The following CDC14A variants were observed in gnomAD, a reference collection of about 807,000 sequenced individuals.
CDC14A encodes cell division cycle 14A, also known as dual specificity protein phosphatase CDC14A.
In CDC14A, 53 loss-of-function variants were observed where a neutral mutation model predicts 74.4. That is an observed-to-expected ratio of 0.71 (90% CI 0.57 to 0.89). The LOEUF (loss-of-function observed/expected upper bound fraction) is 0.89. CDC14A is among the 40% of genes least tolerant of loss of function. CDC14A has a pLI of 0.00. For missense variants in CDC14A, 646 were observed against 713.7 expected, an observed-to-expected ratio of 0.91 and a Z score of 1.08; for synonymous variants, 247 against 258.4, an observed-to-expected ratio of 0.96 and a Z score of 0.43.
intron 8 of CDC14A, 185 bp from the exon 9 acceptor site, chr1:100,462,466 C>A (rs911184237): frequency 1.7e-6 from 1 of 588,848 alleles, no homozygotes; most frequent in African/African-American, 1.9e-5. Flanking sequence ...TTTTAACCTC[C>A]TGTGGTGCTT....
At chr1:100,390,926 TGGAGATTA>T (rs1295214877) in intron 4 of CDC14A, 102 bp downstream of exon 4, 2 of 785,786 alleles carry the variant, frequency 2.5e-6, no homozygotes, top group African/African-American at 3.4e-5. Context: ...TGAGAGACGG[TGGAGATTA>T]TTAGCAGTTT....
upstream of CDC14A, chr1:100,352,425 G>A (rs574321340): frequency 1.0e-5 from 10 of 977,308 alleles, no homozygotes; most frequent in African/African-American, 1.2e-4. Flanking sequence ...GGAGGGCGGG[G>A]AGGAAGGTCT....
At chr1:100,496,128 C>T (rs1175195935) in intron 13 of CDC14A, 79 bp downstream of exon 13, 24 of 1,159,220 alleles carry the variant, frequency 2.1e-5, no homozygotes, top group East Asian at 9.4e-5. Flanking sequence ...GCCTCAAACA[C>T]GAAAATCAAC....
chr1:100,455,922 G>A (rs1666636274), intron 8 of CDC14A, among the ~76,000 whole-genome samples: 1 of 152,184 alleles, frequency 6.6e-6, no homozygotes, highest in African/African-American at 2.4e-5. Context: ...ATACTTAGGT[G>A]CTAGTTACAC....
chr1:100,412,770 A>ATATATATATATTTTATATATATATATTT (rs1557732829), intron 4 of CDC14A, among the ~76,000 whole-genome samples: 14 of 95,660 alleles, frequency 1.5e-4, no homozygotes, highest in African/African-American at 3.0e-4. Flanking sequence ...TATATATATT[A>ATATATATATATTTTATATATATATATTT]TATATATATA....
At chr1:100,505,181 G>A (rs1471941757) in intron 15 of CDC14A, among the ~76,000 whole-genome samples, 1 of 152,206 alleles carries the variant, frequency 6.6e-6, no homozygotes, top group African/African-American at 2.4e-5. Flanking sequence ...AAATGGAAAT[G>A]AAATATTGTG....
At chr1:100,405,369 T>C (rs1659807281) in intron 4 of CDC14A, among the ~76,000 whole-genome samples, 1 of 152,242 alleles carries the variant, frequency 6.6e-6, no homozygotes. Context: ...AAGGGATAAC[T>C]CTTACATATT....
chr1:100,352,380 A>C, upstream of CDC14A: 13 of 775,574 alleles, frequency 1.7e-5, no homozygotes, highest in Non-Finnish European at 1.9e-5. Context: ...CCTTTAAGGG[A>C]TGGCCGCGGA....
At chr1:100,392,934 A>G (rs537776166) in intron 4 of CDC14A, 60 of 765,682 alleles carry the variant, frequency 7.8e-5, no homozygotes, top group Non-Finnish European at 1.2e-4. Context: ...ACATTTAAAC[A>G]TCAATGGTTT....
At chr1:100,501,409 AT>A (rs1648712549) in intron 15 of CDC14A, among the ~76,000 whole-genome samples, 2 of 152,328 alleles carry the variant, frequency 1.3e-5, no homozygotes, top group East Asian at 3.9e-4. Context: ...TGGTGGTCCC[AT>A]AAGACTATAA....
intron 13 of CDC14A, among the ~76,000 whole-genome samples, chr1:100,497,417 T>C (rs1648011713): frequency 6.6e-6 from 1 of 152,212 alleles, no homozygotes; most frequent in Non-Finnish European, 1.5e-5. Context: ...GTCCAGATTT[T>C]GGAGGGGCTG....
intron 5 of CDC14A, among the ~76,000 whole-genome samples, chr1:100,430,153 C>A (rs184146682): frequency 1.5e-4 from 23 of 152,298 alleles, no homozygotes; most frequent in Non-Finnish European, 2.9e-4. Context: ...CAAAAAACAT[C>A]TCTTGGGATT....
At position 100,479,557 on chromosome 1, in the gene CDC14A, TTTAA is replaced by T. The variant is rs1204218056; in HGVS notation, c.978-4731_978-4728del. Among the ~76,000 whole-genome samples, 5 of 152,330 alleles carry T rather than the reference TTTAA, an allele frequency of 3.3e-5. No homozygotes were observed. In the East Asian group the frequency reaches 9.6e-4, roughly 29 times the overall value. On this transcript the variant is annotated intron_variant, in intron 10 of 15. Coordinates refer to ENST00000336454, the MANE Select transcript of CDC14A (RefSeq NM_003672.4). Reference sequence around the variant, plus strand: ...GGTCAAGGAATATAGGCTAAAAAATTTTAATTATTTATTTTAAGGGTTTAAAATT... The same window carrying T: ...GGTCAAGGAATATAGGCTAAAAAATTTTATTTATTTTAAGGGTTTAAAATT...
chr1:100,395,886 A>G (rs557635489), intron 4 of CDC14A, among the ~76,000 whole-genome samples: 69 of 152,290 alleles, frequency 4.5e-4, no homozygotes, highest in African/African-American at 1.5e-3. Context: ...TCTATCTGGA[A>G]TGTTCTTACT....
At chr1:100,424,136 G>A in intron 4 of CDC14A, 86 bp from the exon 5 acceptor site, 1 of 922,948 alleles carries the variant, frequency 1.1e-6, no homozygotes, top group Non-Finnish European at 1.8e-6. Flanking sequence ...GTCACTCAAA[G>A]TGGAGGAAGT....
intron 10 of CDC14A, among the ~76,000 whole-genome samples, chr1:100,471,114 A>G (rs1668352065): frequency 1.3e-5 from 2 of 152,144 alleles, no homozygotes; most frequent in Non-Finnish European, 2.9e-5. Context: ...TGAATTACTG[A>G]TATACTCAAC....
intron 5 of CDC14A, among the ~76,000 whole-genome samples, chr1:100,437,236 A>G (rs771016185): frequency 6.6e-6 from 1 of 152,166 alleles, no homozygotes; most frequent in Admixed American, 6.5e-5. Flanking sequence ...CATGGGTTCA[A>G]TCTTCCATCT....
chr1:100,499,959 A>G (rs1435427729), intron 15 of CDC14A, among the ~76,000 whole-genome samples: 1 of 152,172 alleles, frequency 6.6e-6, no homozygotes, highest in Admixed American at 6.5e-5. Context: ...GAAGACCTCC[A>G]AACACATCTT....
At chr1:100,442,523 A>G (rs1011754158) in intron 6 of CDC14A, among the ~76,000 whole-genome samples, 2 of 151,306 alleles carry the variant, frequency 1.3e-5, no homozygotes, top group Non-Finnish European at 3.0e-5. Context: ...TAAAAGGAAG[A>G]CAAAAACTCA....
Sources: allele counts gnomAD v4.1 joint callset (sites outside exome capture counted in the v4.1 genomes callset), GRCh38; gene constraint gnomAD v4.1.1; transcripts MANE v1.5; gene names NCBI Gene and HGNC (gene_info 2026-07-23, HGNC 2026-07-21).